Variants in RNF213 observed in about 807,000 individuals in gnomAD.
RNF213 encodes the protein E3 ubiquitin-protein ligase RNF213.
RNF213 carries 341 observed loss-of-function variants against 514.4 expected under a neutral mutation model. That is an observed-to-expected ratio of 0.66 (90% CI 0.61 to 0.73). The LOEUF is 0.73. Ranked by LOEUF, RNF213 falls within the 30% of genes least tolerant of loss-of-function variation. The probability of loss-of-function intolerance (pLI) is 0.00; values close to 1 mark genes in which losing one functional copy is unlikely to be tolerated. For missense variants in RNF213, 5,767 were observed against 6,615.6 expected, an observed-to-expected ratio of 0.87 and a Z score of 4.45; for synonymous variants, 2,655 against 2,658.2, an observed-to-expected ratio of 1.00 and a Z score of 0.04.
At chr17:80,299,491 A>G (rs1363919803) in intron 11 of RNF213, among the ~76,000 whole-genome samples, 1 of 152,208 alleles carries the variant, frequency 6.6e-6, no homozygotes, top group Non-Finnish European at 1.5e-5. Flanking sequence ...TGATTCAAAT[A>G]TAATGACCTC....
intron 63 of RNF213, 183 bp from the exon 64 acceptor site, chr17:80,388,429 C>T (rs962202051): frequency 1.4e-4 from 87 of 630,474 alleles, no homozygotes; most frequent in Non-Finnish European, 2.3e-4. Context: ...CGCTGGATTC[C>T]CGGTTGTGTT....
intron 15 of RNF213, among the ~76,000 whole-genome samples, chr17:80,313,650 GTTGTGGAGGTGA>G: frequency 1.2e-5 from 1 of 85,446 alleles, no homozygotes; most frequent in Non-Finnish European, 2.5e-5. Context: ...GATGGTGATG[GTTGTGGAGGTGA>G]TGGTGGAGGT....
At chr17:80,348,999 C>T (rs1056932993) in intron 29 of RNF213, among the ~76,000 whole-genome samples, 2 of 152,058 alleles carry the variant, frequency 1.3e-5, no homozygotes, top group East Asian at 1.9e-4. Context: ...AAAGACGGGC[C>T]GGTAGGGAGG....
chr17:80,267,680 T>C (rs1405935159), intron 2 of RNF213, among the ~76,000 whole-genome samples: 1 of 152,156 alleles, frequency 6.6e-6, no homozygotes, highest in African/African-American at 2.4e-5. Context: ...GACTGGTTTA[T>C]GAGGTTTTAG....
intron 25 of RNF213, among the ~76,000 whole-genome samples, chr17:80,338,214 G>T (rs1037714869): frequency 1.3e-5 from 2 of 152,134 alleles, no homozygotes; most frequent in Non-Finnish European, 2.9e-5. Context: ...CAGGCCCCTG[G>T]GTTAGCAGTC....
rs183821669 is a variant in RNF213 at position 80,322,545 on chromosome 17, C to A, written c.3025-2485C>A. Among the ~76,000 whole-genome samples, 7 of 151,856 alleles carry A rather than the reference C, an allele frequency of 4.6e-5. No homozygotes were observed. The East Asian group carries it at 1.4e-3, about 30-fold the overall frequency. On this transcript the variant is annotated intron_variant, in intron 17 of 67. Transcript: ENST00000582970. Reference sequence around the variant, plus strand: ...GAGCTGAGATTGTGCCACTGCACTCCGGCCTGGGCGACAGAGCGAGACTCT... The same window carrying A: ...GAGCTGAGATTGTGCCACTGCACTCAGGCCTGGGCGACAGAGCGAGACTCT...
At position 80,380,843 on chromosome 17, in the gene RNF213, C is replaced by G; in HGVS notation, c.13653C>G (p.Asp4551Glu). 3 of 1,614,216 alleles carry G rather than the reference C, an allele frequency of 1.9e-6. No homozygotes were observed. Among genetic ancestry groups the G allele is most frequent in the Non-Finnish European group, 2.5e-6 (3 of 1,180,036 alleles). The change falls in exon 56 of 68, where the codon GAC (aspartate) becomes GAG (glutamate). Residue 4551 changes from aspartate (D) to glutamate (E), a missense_variant. Physicochemically the swap from Asp to Glu is conservative, Grantham distance 45. This residue lies in a region of RNF213 where 1,245 missense variants were observed against 1,339.0 expected (regional missense o/e 0.93). Coordinates refer to ENST00000582970, the MANE Select transcript of RNF213 (RefSeq NM_001256071.3). ...TCGTTCTTTCCAGAGACAAGGCAGA[C>G]AGAACGCAGACCGGCCACGTGCTGG... ...DGFHLVKDKA[D>E]RTQTGHVLGN... is the part of the protein sequence containing the mutation.
At chr17:80,381,929 T>C in intron 57 of RNF213, 1 of 610,042 alleles carries the variant, frequency 1.6e-6, no homozygotes, top group South Asian at 1.9e-5. Context: ...GCACTCTGCT[T>C]GCCCAGAGGC....
At position 80,396,891 on chromosome 17, in the gene RNF213, T is replaced by G. The variant is rs1395460514; in HGVS notation, c.*3393T>G. The G allele has an allele frequency of 6.6e-6, 1 of 152,174 alleles. No homozygotes were observed. Among genetic ancestry groups the G allele is most frequent in the Non-Finnish European group, 1.5e-5 (1 of 68,120 alleles). The allele number at this position is 152,174 out of a possible 1,614,324, so 9.4% of individuals were successfully genotyped here. On this transcript the variant is annotated 3_prime_UTR_variant, in exon 68 of 68. Coordinates refer to ENST00000582970, the MANE Select transcript of RNF213 (RefSeq NM_001256071.3). ...GAAGCAGGAGAGACTGGAGGGGCCCTGGGTCCAGCAAGTGCTCCACCAGGC... is the reference window on the plus strand; with the variant it reads ...GAAGCAGGAGAGACTGGAGGGGCCCGGGGTCCAGCAAGTGCTCCACCAGGC...
chr17:80,358,618 A>G (rs1422396486), intron 37 of RNF213, 139 bp downstream of exon 37: 2 of 779,008 alleles, frequency 2.6e-6, no homozygotes, highest in Non-Finnish European at 4.4e-6. Flanking sequence ...TGCAGTAACA[A>G]TAGGAAGTTT....
intron 2 of RNF213, among the ~76,000 whole-genome samples, chr17:80,267,437 A>C (rs2043646234): frequency 6.6e-6 from 1 of 152,136 alleles, no homozygotes; most frequent in Non-Finnish European, 1.5e-5. Flanking sequence ...GCGAGACTCC[A>C]TCCCAAAAAA....
Position 80,363,166 on chromosome 17 carries a change from AAG to A in RNF213, c.11423_11424del (p.Glu3808GlyfsTer42). 6.2e-7 allele frequency: 1 copy of A among 1,614,214 alleles called. No homozygotes were observed. Among genetic ancestry groups the A allele is most frequent in the African/African-American group, 1.3e-5 (1 of 75,046 alleles). On this transcript the variant is annotated frameshift_variant, in exon 40 of 68. Coordinates refer to ENST00000582970, the MANE Select transcript of RNF213 (RefSeq NM_001256071.3). LOFTEE classifies it high-confidence loss of function. ...AAAGCGGCGTCAGAAGCGCCCGAGG[AAG>A]AGGTTTCCTTACCGTGGGTGCACCT...
In RNF213 at chr17:80,386,811, G is replaced by A. The variant is rs375652626; in HGVS notation, c.14842G>A (p.Val4948Met). Residue 4948 changes from valine to methionine, a missense_variant, in exon 63 of 68, where the codon GTG becomes ATG. Coordinates refer to ENST00000582970, the MANE Select transcript of RNF213 (RefSeq NM_001256071.3). ...QYQVEEGRET[V>M]QEFDLEKIQR... is the part of the protein sequence containing the mutation. ...CCAGGTGGAGGAGGGCAGAGAGACC[G>A]TGCAGGAGTTCGATCTGGAGAAGAT... The A allele has an allele frequency of 9.5e-5, 153 of 1,614,094 alleles. No individual in the cohort carries two copies. Among genetic ancestry groups the A allele is most frequent in the Non-Finnish European group, 1.1e-4 (130 of 1,180,038 alleles).
chr17:80,334,575 A>C lies in RNF213; in HGVS notation c.4309+305A>C, dbSNP rs560217319. ...CCCCTTCAGCTTTTTCTTCCAGTAG[A>C]TTTTTACTGGAGGACAAGGAGAGTT... On this transcript the variant is annotated intron_variant, in intron 22 of 67. Coordinates refer to ENST00000582970, the MANE Select transcript of RNF213 (RefSeq NM_001256071.3). Among the ~76,000 whole-genome samples the C allele has an allele frequency of 4.3e-3, 648 of 150,676 alleles. 3 individuals carry two copies. The highest frequency in any genetic ancestry group is 7.7e-3 in the Admixed American group (117 of 15,132).
chr17:80,358,202 C>A, intron 36 of RNF213, 86 bp from the exon 37 acceptor site: 2 of 1,183,362 alleles, frequency 1.7e-6, no homozygotes, highest in Non-Finnish European at 2.5e-6. Flanking sequence ...TGTTAATGCT[C>A]AAGAAGGAAC....
In RNF213 at chr17:80,340,228, C is replaced by T. The variant is rs912439596; in HGVS notation, c.5861C>T (p.Ala1954Val). ...CACAAGGTCTTCGTCACCCCCCAGG[C>T]ACCCCTCGAGGCCATCCAAGCCTAC... ...SQHKVFVTPQ[A>V]PLEAIQAYLA... Residue 1954 changes from alanine (A) to valine (V), a missense_variant, in exon 26 of 68, where the codon GCA (alanine) becomes GTA (valine). Transcript: ENST00000582970. 3.1e-6 allele frequency: 5 copies of T among 1,614,088 alleles called. No homozygotes were observed. Among genetic ancestry groups the T allele is most frequent in the Non-Finnish European group, 4.2e-6 (5 of 1,180,038 alleles).
chr17:80,327,900 T>C lies in RNF213; in HGVS notation c.3278T>C (p.Val1093Ala), dbSNP rs765456882. ...GCCGACTCTGTGTTGACGAAAGTTG[T>C]TGGTGACCTCCTAAGTGGCACGATT... ...AVADSVLTKV[V>A]GDLLSGTILV... Residue 1093 changes from valine (V) to alanine (A), a missense_variant, in exon 19 of 68, where the codon GTT (valine) becomes GCT (alanine). Transcript: ENST00000582970. The C allele has an allele frequency of 4.9e-5, 75 of 1,537,160 alleles. 2 individuals are homozygous for C. The Admixed American group carries it at 6.5e-4, about 13-fold the overall frequency.
chr17:80,397,351 A>G lies in RNF213; in HGVS notation c.*3853A>G, dbSNP rs1050684070. On this transcript the variant is annotated 3_prime_UTR_variant, in exon 68 of 68. Transcript: ENST00000582970. Reference sequence around the variant, plus strand: ...CTTAAGGGAGGAGACCACCCCACATATTGTCTTACGCCCAATTTCTGCCTC... The same window carrying G: ...CTTAAGGGAGGAGACCACCCCACATGTTGTCTTACGCCCAATTTCTGCCTC... 2 of 152,016 alleles carry G rather than the reference A, an allele frequency of 1.3e-5. No individual in the cohort carries two copies. Among genetic ancestry groups the G allele is most frequent in the African/African-American group, 2.4e-5 (1 of 41,354 alleles). The allele number at this position is 152,016 out of a possible 1,614,324, so 9.4% of individuals were successfully genotyped here.
intron 8 of RNF213, among the ~76,000 whole-genome samples, chr17:80,292,320 G>A (rs1354159099): frequency 6.6e-6 from 1 of 152,042 alleles, no homozygotes; most frequent in Non-Finnish European, 1.5e-5. Flanking sequence ...TGCCCTCCTC[G>A]ACCTCCCGAA....
Sources: allele counts gnomAD v4.1 joint callset (sites outside exome capture counted in the v4.1 genomes callset), GRCh38; gene constraint gnomAD v4.1.1; regional missense constraint gnomAD v4.1.1; transcripts MANE v1.5; gene names NCBI Gene and HGNC (gene_info 2026-07-23, HGNC 2026-07-21).